COL5A2: variants seen among roughly 807,000 people sequenced by gnomAD.
COL5A2 encodes collagen alpha-2(V) chain.
Under a neutral mutation model 208.2 loss-of-function variants are expected in COL5A2, and 23 were observed. The ratio of observed to expected loss-of-function variants is 0.11; its 90% CI spans 0.08 to 0.16. COL5A2 has a LOEUF of 0.16. Ranked by LOEUF, COL5A2 falls within the 10% of genes least tolerant of loss-of-function variation. The pLI is 1.00. For synonymous variants in COL5A2, 625 were observed against 628.5 expected, an observed-to-expected ratio of 0.99 and a Z score of 0.08; for missense variants, 1,590 against 1,956.4, an observed-to-expected ratio of 0.81 and a Z score of 3.53.
In COL5A2 at chr2:189,032,096, T is replaced by C. The variant is rs1302540718; in HGVS notation, c.*1974A>G. The C allele has an allele frequency of 6.6e-6, 1 of 152,122 alleles. No homozygotes were observed. The highest frequency in any genetic ancestry group is 1.9e-4 in the East Asian group (1 of 5,200). The allele number at this position is 152,122 out of a possible 1,614,324, so 9.4% of individuals were successfully genotyped here. On this transcript the variant is annotated 3_prime_UTR_variant, in exon 54 of 54. Coordinates refer to ENST00000374866, the MANE Select transcript of COL5A2 (RefSeq NM_000393.5). ...CACATGTATTTAGGCATATAAATAC[T>C]CAAATTTAAGATATACAGGTCAAAA...
chr2:189,189,950 T>A (rs1392880822), intron 1 of COL5A2, among the ~76,000 whole-genome samples: 1 of 152,108 alleles, frequency 6.6e-6, no homozygotes, highest in African/African-American at 2.4e-5. Flanking sequence ...AACATGTACA[T>A]ATCCATACAC....
chr2:189,287,631 T>C, the COL5A2 span, among the ~76,000 whole-genome samples: 2 of 152,170 alleles, frequency 1.3e-5, no homozygotes, highest in African/African-American at 4.8e-5. Context: ...AAATTAGTAG[T>C]AGTATAAAGG....
chr2:189,091,370 A>G (rs1686780662), intron 7 of COL5A2, among the ~76,000 whole-genome samples: 1 of 152,198 alleles, frequency 6.6e-6, no homozygotes, highest in Non-Finnish European at 1.5e-5. Flanking sequence ...TGTTGAAATG[A>G]CAACAAAGGA....
intron 1 of COL5A2, among the ~76,000 whole-genome samples, chr2:189,136,512 A>G (rs1687829012): frequency 9.4e-5 from 1 of 10,632 alleles, no homozygotes; most frequent in South Asian, 2.8e-3. Context: ...TTTCTTTTTT[A>G]TAAATATATA....
chr2:189,331,056 T>C, the COL5A2 span, among the ~76,000 whole-genome samples: 1 of 152,206 alleles, frequency 6.6e-6, no homozygotes, highest in African/African-American at 2.4e-5. Flanking sequence ...GAAAAATGTG[T>C]ACTTAATTTA....
At chr2:189,102,378 A>G (rs1176834196) in intron 3 of COL5A2, among the ~76,000 whole-genome samples, 1 of 152,096 alleles carries the variant, frequency 6.6e-6, no homozygotes, top group Non-Finnish European at 1.5e-5. Context: ...TAAGTGTTCA[A>G]TTATAAGTTT....
the COL5A2 span, among the ~76,000 whole-genome samples, chr2:189,426,363 T>G: frequency 9.0e-4 from 137 of 152,186 alleles, 1 homozygote; most frequent in Non-Finnish European, 1.5e-4. Flanking sequence ...AATTGCATCC[T>G]TTGGGGAGGC....
intron 1 of COL5A2, among the ~76,000 whole-genome samples, chr2:189,212,622 G>A (rs879537644): frequency 3.4e-5 from 5 of 148,758 alleles, no homozygotes; most frequent in African/African-American, 7.6e-5. Flanking sequence ...CTGGGCAATA[G>A]AGCAAGACTC....
intron 47 of COL5A2, among the ~76,000 whole-genome samples, chr2:189,044,276 C>A (rs1167172829): frequency 1.3e-5 from 2 of 151,860 alleles, no homozygotes; most frequent in African/African-American, 4.8e-5. Context: ...GTATAGGAAC[C>A]CATTTATAAT....
rs1012039816 is a variant in COL5A2 at position 189,050,543 on chromosome 2, A to C, written c.3039+26T>G. On this transcript the variant is annotated intron_variant, in intron 43 of 53. Coordinates refer to ENST00000374866, the MANE Select transcript of COL5A2 (RefSeq NM_000393.5). ...CAATTTGTATTGCACATATGAGATA[A>C]AATATTGACCGATGCAGCTACTCAC... 4 of 1,510,868 alleles carry C rather than the reference A, an allele frequency of 2.6e-6. No individual in the cohort carries two copies. The African/African-American group carries it at 4.2e-5, about 16-fold the overall frequency. 93.6% of individuals were successfully genotyped at this position (1,510,868 alleles called of 1,614,324 possible). A position where few individuals can be genotyped will look rare whatever the true frequency, so the allele number is the denominator to read the frequency against.
Position 189,056,956 on chromosome 2 carries a change from G to C in COL5A2, c.2391+17C>G. Reference sequence around the variant, plus strand: ...GTTGGTTCCTAGCCCAGCTAGAAAAGGAATACTTTCACTTACTCTTGCACC... The same window carrying C: ...GTTGGTTCCTAGCCCAGCTAGAAAACGAATACTTTCACTTACTCTTGCACC... On this transcript the variant is annotated intron_variant, in intron 35 of 53. Coordinates refer to ENST00000374866, the MANE Select transcript of COL5A2 (RefSeq NM_000393.5). The C allele has an allele frequency of 6.2e-7, 1 of 1,613,102 alleles. No homozygotes were observed. The highest frequency in any genetic ancestry group is 8.5e-7 in the Non-Finnish European group (1 of 1,179,228).
chr2:189,172,445 CT>C (rs1483561573), intron 1 of COL5A2, among the ~76,000 whole-genome samples: 12 of 152,174 alleles, frequency 7.9e-5, no homozygotes, highest in Non-Finnish European at 1.6e-4. Context: ...CTTTCCGTGT[CT>C]CATTTAAGTA....
In COL5A2 at chr2:189,179,717, C is replaced by T. The variant is rs149052518; in HGVS notation, c.-113G>A. On this transcript the variant is annotated 5_prime_UTR_variant, in exon 1 of 54. Coordinates refer to ENST00000374866, the MANE Select transcript of COL5A2 (RefSeq NM_000393.5). ...TCTTTCAGCACCAGCCCCAGGGCAG[C>T]CTCTGCAAACCCCCTTTTTCAGCAC... The T allele has an allele frequency of 2.7e-4, 410 of 1,530,728 alleles. No individual in the cohort carries two copies. The highest frequency in any genetic ancestry group is 3.5e-4 in the Non-Finnish European group (396 of 1,139,532). 94.8% of individuals were successfully genotyped at this position (1,530,728 alleles called of 1,614,324 possible).
chr2:189,218,532 GA>G (rs1487876928), intron 1 of COL5A2, among the ~76,000 whole-genome samples: 1 of 152,120 alleles, frequency 6.6e-6, no homozygotes, highest in East Asian at 1.9e-4. Flanking sequence ...CTACAATCCA[GA>G]ACTGTGAGGG....
chr2:189,335,986 T>A, the COL5A2 span, among the ~76,000 whole-genome samples: 1 of 152,144 alleles, frequency 6.6e-6, no homozygotes, highest in Non-Finnish European at 1.5e-5. Context: ...TGGGAGAATA[T>A]GTTAAGAACA....
chr2:189,053,564 G>C (rs992339154), intron 37 of COL5A2, 87 bp from the exon 38 acceptor site: 4 of 1,172,184 alleles, frequency 3.4e-6, no homozygotes, highest in Non-Finnish European at 5.1e-6. Context: ...AAATCTGATA[G>C]TTAGACATGT....
the COL5A2 span, among the ~76,000 whole-genome samples, chr2:189,375,215 C>T: frequency 1.3e-5 from 2 of 151,954 alleles, no homozygotes; most frequent in Non-Finnish European, 2.9e-5. Context: ...GATGGGGTTT[C>T]ACCATGTTGG....
chr2:189,417,814 GTA>G, the COL5A2 span, among the ~76,000 whole-genome samples: 3 of 148,096 alleles, frequency 2.0e-5, no homozygotes, highest in African/African-American at 7.8e-5. Context: ...GTGTGTGTGT[GTA>G]TATATATATA....
At chr2:189,200,384 A>C (rs113668277) in intron 1 of COL5A2, among the ~76,000 whole-genome samples, 1 of 151,950 alleles carries the variant, frequency 6.6e-6, no homozygotes. Flanking sequence ...GAAGCTGCTA[A>C]GTGAATTACT....
Sources: allele counts gnomAD v4.1 joint callset (sites outside exome capture counted in the v4.1 genomes callset), GRCh38; gene constraint gnomAD v4.1.1; transcripts MANE v1.5; gene names NCBI Gene and HGNC (gene_info 2026-07-23, HGNC 2026-07-21).